RNF170: variants seen among roughly 807,000 people sequenced by gnomAD.
RNF170 encodes ring finger protein 170.
RNF170 carries 12 observed loss-of-function variants against 32.7 expected under a neutral mutation model. That is an observed-to-expected ratio of 0.37 (90% CI 0.24 to 0.60). RNF170 has a LOEUF of 0.60. RNF170 is among the 20% of genes least tolerant of loss of function. The pLI is 0.72. For synonymous variants in RNF170, 91 were observed against 103.6 expected (o/e 0.88, Z 0.74); for missense variants, 212 against 311.2 (o/e 0.68, Z 2.40).
chr8:42,888,425 A>T (rs981808094), intron 1 of RNF170, among the ~76,000 whole-genome samples: 4 of 151,882 alleles, frequency 2.6e-5, no homozygotes, highest in African/African-American at 4.8e-5. Context: ...TGTATTTTTT[A>T]AAAATGTTTT....
chr8:42,868,094 T>TAA (rs1396078152), intron 4 of RNF170, among the ~76,000 whole-genome samples: 1 of 152,160 alleles, frequency 6.6e-6, no homozygotes, highest in Non-Finnish European at 1.5e-5. Context: ...AATTAAAAGA[T>TAA]AAAAACTGAA....
In RNF170 at chr8:42,853,453, T is replaced by C; in HGVS notation, c.*2706A>G. The C allele has an allele frequency of 7.8e-7, 1 of 1,287,186 alleles. No homozygotes were observed. The highest frequency in any genetic ancestry group is 1.5e-5 in the African/African-American group (1 of 65,910). 79.7% of individuals were successfully genotyped at this position (1,287,186 alleles called of 1,614,324 possible). ...GGATCCACATAGTCCTTTCTTCCCT[T>C]GTACCTCTCAAACACTGAGAATTGT... is the stretch of plus-strand genomic sequence containing the variant. On this transcript the variant is annotated 3_prime_UTR_variant, in exon 7 of 7. Transcript: ENST00000527424.
chr8:42,865,269 AT>A, intron 5 of RNF170, 146 bp downstream of exon 5: 2 of 360,454 alleles, frequency 5.5e-6, no homozygotes, highest in Non-Finnish European at 9.7e-6. Context: ...AAAAATAATA[AT>A]AATAATATAT....
At chr8:42,875,979 T>C (rs1804897406) in intron 2 of RNF170, among the ~76,000 whole-genome samples, 2 of 152,176 alleles carry the variant, frequency 1.3e-5, no homozygotes, top group South Asian at 2.1e-4. Context: ...GAAAGCACCC[T>C]GTCAAGGAGC....
chr8:42,896,401 C>G (rs1184294980), intron 1 of RNF170, 83 bp downstream of exon 1: 6 of 449,776 alleles, frequency 1.3e-5, no homozygotes, highest in East Asian at 7.1e-5. Flanking sequence ...GCGGCCAGAG[C>G]TACCCCAAGA....
chr8:42,851,108 C>G, downstream of RNF170: 1 of 1,465,780 alleles, frequency 6.8e-7, no homozygotes, highest in South Asian at 1.3e-5. Context: ...TCACTTCATG[C>G]CCTCCTTCCA....
intron 5 of RNF170, 115 bp downstream of exon 5, chr8:42,865,301 G>A: frequency 1.4e-6 from 1 of 721,028 alleles, no homozygotes; most frequent in Non-Finnish European, 2.4e-6. Flanking sequence ...AAGAAGATTT[G>A]GATAAATGAA....
Position 42,854,418 on chromosome 8 carries a change from C to T in RNF170, c.*1741G>A, listed in dbSNP as rs1044907549. The stretch of plus-strand genomic sequence containing the variant: ...TTCATCAATAGCATGGGGATTGTAT[C>T]TATGAAAGGGAAGTTGGTGTCCTGC... On this transcript the variant is annotated 3_prime_UTR_variant, in exon 7 of 7. Transcript: ENST00000527424. 1 of 1,287,154 alleles carries T rather than the reference C, an allele frequency of 7.8e-7. No homozygotes were observed. Among genetic ancestry groups the T allele is most frequent in the East Asian group, 5.5e-5 (1 of 18,030 alleles). The allele number at this position is 1,287,154 out of a possible 1,614,324, so 79.7% of individuals were successfully genotyped here.
intron 3 of RNF170, among the ~76,000 whole-genome samples, chr8:42,872,884 A>G (rs1201562482): frequency 1.3e-5 from 2 of 152,124 alleles, no homozygotes; most frequent in Admixed American, 6.6e-5. Context: ...GAATGGATAA[A>G]TTATAAAACC....
At chr8:42,889,277 TCTAAA>T (rs1415580929) in intron 1 of RNF170, 4 of 152,094 alleles carry the variant, frequency 2.6e-5, no homozygotes, top group Non-Finnish European at 5.9e-5. Flanking sequence ...CTTCCTACAC[TCTAAA>T]CTAGAGAAAA....
At chr8:42,889,344 G>C (rs1806103643) in intron 1 of RNF170, 1 of 152,066 alleles carries the variant, frequency 6.6e-6, no homozygotes. Context: ...AGCCACACTG[G>C]AGTCCAAATA....
chr8:42,856,190 C>T lies in RNF170; in HGVS notation c.746G>A (p.Arg249Gln), dbSNP rs148309960. Residue 249 changes from arginine to glutamine, a missense_variant, in exon 7 of 7, where the codon CGA becomes CAA. Arg to Gln is a conservative substitution (Grantham distance 43). Around this residue, in one of 2 missense-constraint regions of RNF170, gnomAD observed 97 missense variants for 178.9 expected, o/e 0.54. Transcript: ENST00000527424. ...AGTTAGCCTTTGGGTTATCACTTCT[C>T]GATACATAATAGAGATGTAGATAAG... ...LLLIYISIMY[R>Q]EVITQRLTR 35 of 1,612,352 alleles carry T rather than the reference C, an allele frequency of 2.2e-5. No individual in the cohort carries two copies. Among genetic ancestry groups the T allele is most frequent in the Admixed American group, 1.2e-4 (7 of 59,912 alleles).
In RNF170 at chr8:42,856,357, G is replaced by A; in HGVS notation, c.579C>T (p.Gly193=). The change falls in exon 7 of 7, where the codon GGC becomes GGT. Residue 193 remains glycine, a synonymous_variant. Transcript: ENST00000527424. ...TCCTGATGCGAAACATCCAGAAAAG[G>A]CCCCCGACTGAAAACATTTCCCTGA... ...HAFREMFSVG[G]LFWMFRIRII... is the part of the protein sequence containing the mutation. The A allele has an allele frequency of 6.3e-7, 1 of 1,596,648 alleles. No individual in the cohort carries two copies. The highest frequency in any genetic ancestry group is 8.5e-7 in the Non-Finnish European group (1 of 1,175,870).
At chr8:42,881,029 C>G (rs954880680) in intron 2 of RNF170, among the ~76,000 whole-genome samples, 2 of 152,094 alleles carry the variant, frequency 1.3e-5, no homozygotes, top group Admixed American at 6.6e-5. Flanking sequence ...CACTAGGGAA[C>G]CAAAAAATTC....
At chr8:42,850,862 G>A (rs980609691), downstream of RNF170, 10 of 1,551,530 alleles carry the variant, frequency 6.4e-6, no homozygotes, top group Non-Finnish European at 8.7e-6. Context: ...GCTGAAGGGA[G>A]CATTCGGTCA....
intron 2 of RNF170, among the ~76,000 whole-genome samples, chr8:42,874,974 C>G (rs1459318662): frequency 1.3e-5 from 2 of 151,968 alleles, no homozygotes; most frequent in Non-Finnish European, 2.9e-5. Flanking sequence ...GAGTTCGAGA[C>G]CAGCCTGACC....
intron 1 of RNF170, among the ~76,000 whole-genome samples, chr8:42,896,008 T>C (rs898083311): frequency 2.0e-5 from 3 of 152,158 alleles, no homozygotes; most frequent in Admixed American, 6.5e-5. Context: ...CTATATCTGT[T>C]AAAAATTTAT....
intron 3 of RNF170, among the ~76,000 whole-genome samples, chr8:42,872,998 G>A (rs368114784): frequency 1.3e-4 from 20 of 152,128 alleles, no homozygotes; most frequent in African/African-American, 4.3e-4. Flanking sequence ...AGGCTCGAGA[G>A]ATCCTCCCAC....
At position 42,853,533 on chromosome 8, in the gene RNF170, T is replaced by C. The variant is rs1223393962; in HGVS notation, c.*2626A>G. 2.1e-5 allele frequency: 27 copies of C among 1,287,180 alleles called. No homozygotes were observed. The highest frequency in any genetic ancestry group is 2.7e-5 in the Non-Finnish European group (27 of 988,678). The allele number at this position is 1,287,180 out of a possible 1,614,324, so 79.7% of individuals were successfully genotyped here. A position where few individuals can be genotyped will look rare whatever the true frequency, so the allele number is the denominator to read the frequency against. On this transcript the variant is annotated 3_prime_UTR_variant, in exon 7 of 7. Coordinates refer to ENST00000527424, the MANE Select transcript of RNF170 (RefSeq NM_030954.4). ...GTTAGAACAGTTGTTTTCCCCGTCT[T>C]GTTCCCCACAGAGCTGCCCAAGTTA...
Sources: gnomAD v4.1 joint callset for allele counts (sites outside exome capture counted in the v4.1 genomes callset) on GRCh38, gnomAD v4.1.1 for gene constraint, gnomAD v4.1.1 regional missense constraint, MANE v1.5 for transcripts, NCBI Gene and HGNC (gene_info 2026-07-23, HGNC 2026-07-21) for gene names.